Variants in CCDC18 observed in about 807,000 individuals in gnomAD.
CCDC18 encodes coiled-coil domain-containing protein 18.
A neutral mutation model predicts 196.0 loss-of-function variants in CCDC18; 157 were observed. The ratio of observed to expected loss-of-function variants is 0.80; its 90% CI spans 0.70 to 0.91. The LOEUF is 0.91. Ranked by LOEUF, CCDC18 falls within the 40% of genes least tolerant of loss-of-function variation. The pLI is 0.00. For missense variants in CCDC18, 1,465 were observed against 1,611.6 expected (o/e 0.91, Z 1.56); for synonymous variants, 482 against 529.2 (o/e 0.91, Z 1.22).
chr1:93,180,371 G>A (rs1649310875), upstream of CCDC18: 36 of 1,297,134 alleles, frequency 2.8e-5, no homozygotes, highest in Non-Finnish European at 3.7e-5. Context: ...TGGCGGCCGC[G>A]GCGGCGGCGA....
chr1:93,222,536 A>G (rs771596622), intron 16 of CCDC18, among the ~76,000 whole-genome samples: 1 of 152,336 alleles, frequency 6.6e-6, no homozygotes, highest in Non-Finnish European at 1.5e-5. Flanking sequence ...ATTTCTAGCT[A>G]AAATACGGCT....
intron 24 of CCDC18, among the ~76,000 whole-genome samples, chr1:93,255,208 C>T (rs1662796564): frequency 6.6e-6 from 1 of 152,056 alleles, no homozygotes; most frequent in Non-Finnish European, 1.5e-5. Flanking sequence ...GCCTTGGCCT[C>T]CCAAAGTGCT....
chr1:93,207,318 C>A lies in CCDC18; in HGVS notation c.1129C>A (p.Arg377=). Residue 377 remains arginine, a synonymous_variant, in exon 9 of 29, where the codon CGA becomes AGA. Coordinates refer to ENST00000690025, the MANE Select transcript of CCDC18 (RefSeq NM_001378204.1). ...LKVRVAAQNE[R]LDLCQQEIES... ...GGTCCGTGTTGCAGCACAGAATGAG[C>A]GACTAGATTTATGTCAACAAGAAAT... The A allele has an allele frequency of 6.2e-7, 1 of 1,612,122 alleles. No homozygotes were observed. The highest frequency in any genetic ancestry group is 8.5e-7 in the Non-Finnish European group (1 of 1,178,878).
At chr1:93,266,216 G>GCC (rs1664481386) in intron 27 of CCDC18, among the ~76,000 whole-genome samples, 1 of 152,116 alleles carries the variant, frequency 6.6e-6, no homozygotes, top group East Asian at 1.9e-4. Context: ...CGAAATGAAG[G>GCC]CAGAAATGAA....
At position 93,180,837 on chromosome 1, in the gene CCDC18, A is replaced by C. The variant is rs1649469702; in HGVS notation, c.-18A>C. ...CTTCCTAACGCAGACTCGAGTGCGA[A>C]GCGCGCAGTCGCCGGGTGGGTCTCT... On this transcript the variant is annotated 5_prime_UTR_variant, in exon 1 of 29. Coordinates refer to ENST00000690025, the MANE Select transcript of CCDC18 (RefSeq NM_001378204.1). The C allele has an allele frequency of 7.3e-7, 1 of 1,367,570 alleles. No homozygotes were observed. Among genetic ancestry groups the C allele is most frequent in the Non-Finnish European group, 9.8e-7 (1 of 1,022,010 alleles). The allele number at this position is 1,367,570 out of a possible 1,614,324, so 84.7% of individuals were successfully genotyped here. A position where few individuals can be genotyped will look rare whatever the true frequency, so the allele number is the denominator to read the frequency against.
intron 9 of CCDC18, among the ~76,000 whole-genome samples, chr1:93,210,536 A>G (rs1655447010): frequency 6.6e-6 from 1 of 152,166 alleles, no homozygotes; most frequent in Admixed American, 6.5e-5. Context: ...TTATGAAAAT[A>G]CTGTTTGCCA....
At chr1:93,274,988 A>C (rs1460434776) in intron 28 of CCDC18, among the ~76,000 whole-genome samples, 1 of 152,218 alleles carries the variant, frequency 6.6e-6, no homozygotes, top group African/African-American at 2.4e-5. Flanking sequence ...CTTTAAGCTC[A>C]CATGGAACTC....
Position 93,221,913 on chromosome 1 carries a change from C to G in CCDC18, c.2152C>G (p.Gln718Glu). The change falls in exon 16 of 29, where the codon CAA (glutamine) becomes GAA (glutamate). Residue 718 changes from glutamine to glutamate, a missense_variant. Coordinates refer to ENST00000690025, the MANE Select transcript of CCDC18 (RefSeq NM_001378204.1). ...TGAAGCTTTAAAAGCATTACAGAAC[C>G]AAGTATCTGAAGAAACAATCAAGGC... ...KDEALKALQN[Q>E]VSEETIKVRQ... 1 of 1,590,460 alleles carries G rather than the reference C, an allele frequency of 6.3e-7. No individual in the cohort carries two copies. The highest frequency in any genetic ancestry group is 1.7e-4 in the Middle Eastern group (1 of 5,962).
At chr1:93,208,958 C>T (rs1655172824) in intron 9 of CCDC18, among the ~76,000 whole-genome samples, 1 of 151,874 alleles carries the variant, frequency 6.6e-6, no homozygotes, top group Non-Finnish European at 1.5e-5. Context: ...GCCACCATGC[C>T]CGGCCTTTTA....
At chr1:93,257,245 A>C (rs1047011056) in intron 25 of CCDC18, among the ~76,000 whole-genome samples, 19 of 144,896 alleles carry the variant, frequency 1.3e-4, no homozygotes, top group East Asian at 5.8e-4. Context: ...AAAAAAAAAA[A>C]AAAAAAAAAA....
chr1:93,221,170 TG>T (rs538402838), intron 14 of CCDC18, among the ~76,000 whole-genome samples: 106 of 152,268 alleles, frequency 7.0e-4, no homozygotes, highest in Non-Finnish European at 1.3e-3. Flanking sequence ...TGGGTCAAAT[TG>T]TGTTTCTGCC....
upstream of CCDC18, chr1:93,180,624 C>T (rs201283230): frequency 8.1e-4 from 1,089 of 1,339,992 alleles, 1 homozygote; most frequent in Admixed American, 1.2e-3. Flanking sequence ...GCTCGCCGAC[C>T]ACGATCCCCG....
intron 24 of CCDC18, among the ~76,000 whole-genome samples, chr1:93,255,242 T>C (rs1290048375): frequency 6.6e-6 from 1 of 152,056 alleles, no homozygotes; most frequent in African/African-American, 2.4e-5. Context: ...TGAGCTACCG[T>C]GCCCGGCCGA....
chr1:93,182,539 TAGTG>T (rs969002327), intron 1 of CCDC18, among the ~76,000 whole-genome samples: 1 of 152,180 alleles, frequency 6.6e-6, no homozygotes, highest in South Asian at 2.1e-4. Context: ...AGCTCTGTAG[TAGTG>T]GAGATTATAA....
At chr1:93,256,282 T>G in intron 24 of CCDC18, 53 bp from the exon 25 acceptor site, 1 of 1,493,422 alleles carries the variant, frequency 6.7e-7, no homozygotes, top group South Asian at 1.2e-5. Flanking sequence ...GAATAAGAAA[T>G]AGGTTATCTA....
intron 24 of CCDC18, among the ~76,000 whole-genome samples, chr1:93,255,974 T>C (rs960014964): frequency 6.6e-6 from 1 of 152,226 alleles, no homozygotes; most frequent in African/African-American, 2.4e-5. Context: ...TATACCAATA[T>C]ATTCTCTGTC....
At chr1:93,196,030 A>T (rs981306997) in intron 6 of CCDC18, among the ~76,000 whole-genome samples, 2 of 152,116 alleles carry the variant, frequency 1.3e-5, no homozygotes, top group African/African-American at 4.8e-5. Flanking sequence ...GACACAGAAA[A>T]ATTGAAAGCA....
chr1:93,206,581 C>T (rs1298364186), intron 8 of CCDC18, among the ~76,000 whole-genome samples: 1 of 152,112 alleles, frequency 6.6e-6, no homozygotes, highest in Non-Finnish European at 1.5e-5. Flanking sequence ...AGTTTTTCCT[C>T]ACAGTATCTC....
chr1:93,204,586 C>T (rs149048288), intron 7 of CCDC18, among the ~76,000 whole-genome samples: 25 of 152,154 alleles, frequency 1.6e-4, no homozygotes, highest in Middle Eastern at 3.4e-3. Flanking sequence ...ATGACAGCTA[C>T]ATGATAAAAT....
Sources: gnomAD v4.1 joint callset for allele counts (sites outside exome capture counted in the v4.1 genomes callset) on GRCh38, gnomAD v4.1.1 for gene constraint, MANE v1.5 for transcripts, NCBI Gene and HGNC (gene_info 2026-07-23, HGNC 2026-07-21) for gene names.